SMPD1: variants seen among roughly 807,000 people sequenced by gnomAD.
SMPD1 encodes the protein sphingomyelin phosphodiesterase 1.
A neutral mutation model predicts 49.7 loss-of-function variants in SMPD1; 47 were observed. The observed-to-expected ratio is 0.95, with a 90% confidence interval of 0.75 to 1.21. The LOEUF is 1.21. SMPD1 is among the 50% of genes most tolerant of loss of function. The pLI, the probability that SMPD1 is intolerant of heterozygous loss-of-function variation, is 0.00. For missense variants in SMPD1, 811 were observed against 822.2 expected (o/e 0.99, Z 0.17); for synonymous variants, 336 against 339.6 (o/e 0.99, Z 0.12).
At position 6,391,803 on chromosome 11, in the gene SMPD1, G is replaced by A; in HGVS notation, c.738G>A (p.Trp246Ter). ...CATCCCGGCCAGGTGCCGGATACTG[G>A]GGCGAATACAGCAAGTGTGACCTGC... The part of the protein sequence containing the change: ...PPASRPGAGY[W>*]GEYSKCDLPL... Residue 246 changes from tryptophan to a stop codon, truncating the protein, a stop_gained, in exon 2 of 6, where the codon TGG (tryptophan) becomes TGA (stop). Coordinates refer to ENST00000342245, the MANE Select transcript of SMPD1 (RefSeq NM_000543.5). LOFTEE classifies it high-confidence loss of function. 6.2e-7 allele frequency: 1 copy of A among 1,612,834 alleles called. No individual in the cohort carries two copies. The highest frequency in any genetic ancestry group is 1.7e-5 in the Admixed American group (1 of 60,028).
chr11:6,393,821 A>G, intron 4 of SMPD1, 75 bp from the exon 5 acceptor site: 1 of 1,583,848 alleles, frequency 6.3e-7, no homozygotes, highest in Non-Finnish European at 8.7e-7. Flanking sequence ...AGGTTGGAGA[A>G]AGAGGGCATC....
In SMPD1 at chr11:6,394,338, GA is replaced by G. The variant is rs770962157; in HGVS notation, c.1630del (p.Thr544ProfsTer69). The G allele has an allele frequency of 6.2e-6, 10 of 1,614,122 alleles. No individual in the cohort carries two copies. Among genetic ancestry groups the G allele is most frequent in the Non-Finnish European group, 7.6e-6 (9 of 1,180,056 alleles). On this transcript the variant is annotated frameshift_variant, in exon 6 of 6. Coordinates refer to ENST00000342245, the MANE Select transcript of SMPD1 (RefSeq NM_000543.5). LOFTEE classifies it high-confidence loss of function. ...CTGGCAGCTTCTCTACAGGGCTCGA[GA>G]AACCTATGGGCTGCCCAACACACTG... is the stretch of plus-strand genomic sequence containing the variant. ...PHWQLLYRARETYGLPNTLPT... is the reference protein window; with the variant it reads ...PHWQLLYRARXTYGLPNTLPT...
rs1228109305 is a variant in SMPD1, at chr11:6,391,477, C to T, written c.412C>T (p.His138Tyr). 2 of 1,613,940 alleles carry T rather than the reference C, an allele frequency of 1.2e-6. No individual in the cohort carries two copies. Among genetic ancestry groups the T allele is most frequent in the African/African-American group, 1.3e-5 (1 of 75,062 alleles). ...ACCTGCCGTGTGCCAATCCATTGTC[C>T]ACCTCTTTGAGGATGACATGGTGGA... Reference protein sequence around the residue: ...APPAVCQSIVHLFEDDMVEVW... With the variant: ...APPAVCQSIVYLFEDDMVEVW... Residue 138 changes from histidine (H) to tyrosine (Y), a missense_variant, in exon 2 of 6, where the codon CAC becomes TAC. By Grantham distance (83) the His-to-Tyr change is moderately conservative. Transcript: ENST00000342245.
Position 6,390,501 on chromosome 11 carries a change from C to G in SMPD1, c.-98C>G, listed in dbSNP as rs147605872. On this transcript the variant is annotated 5_prime_UTR_variant, in exon 1 of 6. The change creates a new upstream start codon in the 5' untranslated region. Transcript: ENST00000342245. ...TCAGCCGACTACAGAGAAGGGTAAT[C>G]GGGTGTCCCCGGCGCCGCCCGGGGC... 13 of 1,543,992 alleles carry G rather than the reference C, an allele frequency of 8.4e-6. No homozygotes were observed. The highest frequency in any genetic ancestry group is 1.1e-5 in the Non-Finnish European group (13 of 1,146,834).
At chr11:6,390,982 A>C in intron 1 of SMPD1, 66 bp downstream of exon 1, 1 of 1,584,008 alleles carries the variant, frequency 6.3e-7, no homozygotes, top group East Asian at 2.3e-5. Context: ...GCTGGGGCTG[A>C]TGCTGGTGCG....
chr11:6,393,129 G>A, intron 2 of SMPD1, 87 bp from the exon 3 acceptor site: 2 of 1,102,432 alleles, frequency 1.8e-6, no homozygotes, highest in South Asian at 2.8e-5. Context: ...AAGATGTCAT[G>A]TATGCTTTTA....
intron 2 of SMPD1, 46 bp from the exon 3 acceptor site, chr11:6,393,170 C>G (rs760452681): frequency 6.4e-7 from 1 of 1,570,132 alleles, no homozygotes; most frequent in Non-Finnish European, 8.7e-7. Context: ...CACAGGAGGA[C>G]CAGGATTGGA....
rs1057517098 is a variant in SMPD1 at position 6,390,788 on chromosome 11, CT to C, written c.193del (p.Ser65LeufsTer12). Reference sequence around the variant, plus strand: ...CTGGGCTCCGGCAGAGGCTCACCCTCTTTCTCCCCAAGGCCATCCTGCCAGG... The same window carrying C: ...CTGGGCTCCGGCAGAGGCTCACCCTCTTCTCCCCAAGGCCATCCTGCCAGG... Reference protein sequence around the residue: ...VLWAPAEAHPLSPQGHPARLH... With the variant: ...VLWAPAEAHPXSPQGHPARLH... On this transcript the variant is annotated frameshift_variant, in exon 1 of 6. Transcript: ENST00000342245. LOFTEE classifies it high-confidence loss of function. The C allele has an allele frequency of 1.2e-6, 2 of 1,614,098 alleles. No individual in the cohort carries two copies. The highest frequency in any genetic ancestry group is 2.2e-5 in the South Asian group (2 of 91,084).
At chr11:6,391,361 A>G (rs754692729) in intron 1 of SMPD1, 23 bp from the exon 2 acceptor site, 1 of 1,611,656 alleles carries the variant, frequency 6.2e-7, no homozygotes, top group Non-Finnish European at 8.5e-7. Flanking sequence ...CTGATTTCTC[A>G]CCATGCGCTC....
At chr11:6,394,088 T>C (rs1362179650) in intron 5 of SMPD1, 47 bp downstream of exon 5, 5 of 1,613,748 alleles carry the variant, frequency 3.1e-6, no homozygotes, top group South Asian at 1.1e-5. Flanking sequence ...GTTGGTGGGA[T>C]AGGGGAAGGA....
At chr11:6,391,045 T>C in intron 1 of SMPD1, 129 bp downstream of exon 1, 1 of 1,238,302 alleles carries the variant, frequency 8.1e-7, no homozygotes, top group Non-Finnish European at 1.1e-6. Context: ...AATCCATCAC[T>C]GAGTTTGCTC....
rs568211136 is a variant in SMPD1 at position 6,394,085 on chromosome 11, G to C, written c.1486+44G>C. On this transcript the variant is annotated intron_variant, in intron 5 of 5. Transcript: ENST00000342245. ...AGCCTCCCTTATCCTGGAGTTGGTG[G>C]GATAGGGGAAGGAGGTTGGAGCCAG... is the stretch of plus-strand genomic sequence containing the variant. The C allele has an allele frequency of 5.0e-5, 81 of 1,614,022 alleles. No individual in the cohort carries two copies. In the South Asian group the frequency reaches 7.8e-4, roughly 16 times the overall value.
In SMPD1 at chr11:6,393,293, A is replaced by G. The variant is rs1366125144; in HGVS notation, c.1169A>G (p.Glu390Gly). Residue 390 changes from glutamate (E) to glycine (G), a missense_variant, in exon 3 of 6, where the codon GAG becomes GGG. By Grantham distance (98) the Glu-to-Gly change is moderately conservative. Transcript: ENST00000342245. ...CTCAATATGAATTTTTGTTCCCGTG[A>G]GAACTTCTGGCTCTTGATCAACTCC... ...ISLNMNFCSR[E>G]NFWLLINSTD... is the part of the protein sequence containing the mutation. 3 of 1,614,004 alleles carry G rather than the reference A, an allele frequency of 1.9e-6. No homozygotes were observed. The highest frequency in any genetic ancestry group is 2.5e-6 in the Non-Finnish European group (3 of 1,179,878).
chr11:6,393,497 G>A, intron 3 of SMPD1, 110 bp downstream of exon 3: 1 of 1,408,564 alleles, frequency 7.1e-7, no homozygotes, highest in Non-Finnish European at 1.0e-6. Context: ...CCCAACAAGT[G>A]TTCCCTGGGG....
chr11:6,391,831 C>T lies in SMPD1; in HGVS notation c.766C>T (p.Leu256=), dbSNP rs1218708186. The T allele has an allele frequency of 1.9e-6, 3 of 1,613,588 alleles. No homozygotes were observed. The African/African-American group carries it at 4.0e-5, about 22-fold the overall frequency. Residue 256 remains leucine, a synonymous_variant, in exon 2 of 6, where the codon CTG becomes TTG. Transcript: ENST00000342245. ...CGAATACAGCAAGTGTGACCTGCCC[C>T]TGAGGACCCTGGAGAGCCTGTTGAG... ...WGEYSKCDLP[L]RTLESLLSGL...
At position 6,390,741 on chromosome 11, in the gene SMPD1, C is replaced by T. The variant is rs1847867448; in HGVS notation, c.143C>T (p.Ala48Val). Residue 48 changes from alanine to valine, a missense_variant, in exon 1 of 6, where the codon GCT (alanine) becomes GTT (valine). Transcript: ENST00000342245. ...GCGCTGGCGCTGGCGCTGGCGCTGGCTCTGTCTGACTCTCGGGTTCTCTGG... is the reference window on the plus strand; with the variant it reads ...GCGCTGGCGCTGGCGCTGGCGCTGGTTCTGTCTGACTCTCGGGTTCTCTGG... Reference protein sequence around the residue: ...ALALALALALALSDSRVLWAP... With the variant: ...ALALALALALVLSDSRVLWAP... The T allele has an allele frequency of 1.2e-6, 2 of 1,613,248 alleles. No individual in the cohort carries two copies. Among genetic ancestry groups the T allele is most frequent in the Non-Finnish European group, 1.7e-6 (2 of 1,179,818 alleles).
Position 6,394,457 on chromosome 11 carries a change from C to T in SMPD1, c.1746C>T (p.Pro582=), listed in dbSNP as rs781756741. ...FWFLYHKGHP[P]SEPCGTPCRL... ...TTCTCTACCATAAGGGCCACCCACC[C>T]TCGGAGCCCTGTGGCACGCCCTGCC... is the stretch of plus-strand genomic sequence containing the variant. Residue 582 remains proline (P), a synonymous_variant, in exon 6 of 6, where the codon CCC becomes CCT. Coordinates refer to ENST00000342245, the MANE Select transcript of SMPD1 (RefSeq NM_000543.5). 5 of 1,614,056 alleles carry T rather than the reference C, an allele frequency of 3.1e-6. No homozygotes were observed. Among genetic ancestry groups the T allele is most frequent in the Admixed American group, 1.7e-5 (1 of 60,006 alleles).
At position 6,391,454 on chromosome 11, in the gene SMPD1, C is replaced by T. The variant is rs1158162963; in HGVS notation, c.389C>T (p.Pro130Leu). The T allele has an allele frequency of 6.2e-7, 1 of 1,613,830 alleles. No individual in the cohort carries two copies. The highest frequency in any genetic ancestry group is 1.1e-5 in the South Asian group (1 of 91,070). Reference protein sequence around the residue: ...KLCNLLKIAPPAVCQSIVHLF... With the variant: ...KLCNLLKIAPLAVCQSIVHLF... Reference sequence around the variant, plus strand: ...TGCAATCTGCTGAAGATAGCACCACCTGCCGTGTGCCAATCCATTGTCCAC... The same window carrying T: ...TGCAATCTGCTGAAGATAGCACCACTTGCCGTGTGCCAATCCATTGTCCAC... The change falls in exon 2 of 6, where the codon CCT (proline) becomes CTT (leucine). Residue 130 changes from proline (P) to leucine (L), a missense_variant. Pro to Leu is a moderately conservative substitution (Grantham distance 98). Coordinates refer to ENST00000342245, the MANE Select transcript of SMPD1 (RefSeq NM_000543.5).
In SMPD1 at chr11:6,391,569, G is replaced by GC. The variant is rs781535659; in HGVS notation, c.505dup (p.His169ProfsTer24). ...GCCTGCTCCTGGGCTCCACCTGTGG[G>GC]CACTGGGACATTTTCTCATCTTGGA... On this transcript the variant is annotated frameshift_variant, in exon 2 of 6. Coordinates refer to ENST00000342245, the MANE Select transcript of SMPD1 (RefSeq NM_000543.5). LOFTEE classifies it high-confidence loss of function. The GC allele has an allele frequency of 1.2e-6, 2 of 1,613,290 alleles. No individual in the cohort carries two copies. Among genetic ancestry groups the GC allele is most frequent in the South Asian group, 2.2e-5 (2 of 90,942 alleles).
Sources: allele counts gnomAD v4.1 joint callset, GRCh38; gene constraint gnomAD v4.1.1; transcripts MANE v1.5; gene names NCBI Gene and HGNC (gene_info 2026-07-23, HGNC 2026-07-21).